OSMR: variants seen among roughly 807,000 people sequenced by gnomAD.
OSMR encodes the protein oncostatin-M-specific receptor subunit beta.
A neutral mutation model predicts 99.9 loss-of-function variants in OSMR; 81 were observed. The ratio of observed to expected loss-of-function variants is 0.81; its 90% CI spans 0.68 to 0.97. The LOEUF (loss-of-function observed/expected upper bound fraction) is 0.97. Among genes scored for constraint, OSMR ranks in the 50% least tolerant of loss-of-function variants. OSMR has a pLI of 0.00. For synonymous variants in OSMR, 406 were observed against 410.4 expected, an observed-to-expected ratio of 0.99 and a Z score of 0.13; for missense variants, 1,099 against 1,153.4, an observed-to-expected ratio of 0.95 and a Z score of 0.68.
At chr5:38,945,300 C>T, downstream of OSMR, 2 of 612,502 alleles carry the variant, frequency 3.3e-6, no homozygotes, top group Non-Finnish European at 5.7e-6. Flanking sequence ...ATCTGTCAGA[C>T]TCAGGCCCCA....
chr5:38,885,259 C>CTG, intron 5 of OSMR, 90 bp from the exon 6 acceptor site: 1 of 1,590,992 alleles, frequency 6.3e-7, no homozygotes, highest in South Asian at 1.1e-5. Flanking sequence ...CACAGTAACT[C>CTG]TGTGGCTTCA....
intron 9 of OSMR, among the ~76,000 whole-genome samples, chr5:38,908,338 C>T (rs1745373681): frequency 6.6e-6 from 1 of 152,174 alleles, no homozygotes; most frequent in South Asian, 2.1e-4. Context: ...CTGCCTGCAT[C>T]CCCCCACCAG....
intron 7 of OSMR, among the ~76,000 whole-genome samples, chr5:38,894,402 G>GA (rs142167573): frequency 2.7e-5 from 4 of 147,932 alleles, no homozygotes; most frequent in African/African-American, 7.4e-5. Flanking sequence ...GAATGAAAAA[G>GA]AAAAAAAAAG....
chr5:38,941,198 C>G (rs930501693), intron 1 of OSMR: 3 of 232,704 alleles, frequency 1.3e-5, no homozygotes, highest in Admixed American at 5.6e-5. Flanking sequence ...ACTCATAAAC[C>G]CACCTACCAC....
chr5:38,855,694 C>T (rs546935756), intron 1 of OSMR, among the ~76,000 whole-genome samples: 2 of 151,696 alleles, frequency 1.3e-5, no homozygotes, highest in African/African-American at 4.8e-5. Flanking sequence ...ACTAACCCCC[C>T]CAACCCCCAC....
intron 9 of OSMR, among the ~76,000 whole-genome samples, chr5:38,916,691 T>A (rs1745915915): frequency 6.6e-6 from 1 of 152,144 alleles, no homozygotes. Flanking sequence ...CAGATTTAGA[T>A]GCAAAATCAA....
chr5:38,914,281 G>T (rs1003255557), intron 9 of OSMR, among the ~76,000 whole-genome samples: 11 of 152,240 alleles, frequency 7.2e-5, no homozygotes, highest in South Asian at 4.1e-4. Context: ...TGCTCACAGG[G>T]TATTCTCTTG....
At chr5:38,939,377 T>G (rs563051184), downstream of OSMR, 9 of 232,320 alleles carry the variant, frequency 3.9e-5, no homozygotes, top group African/African-American at 2.0e-4. Flanking sequence ...AAGAGCCTCT[T>G]TTAATGTCAC....
chr5:38,858,844 T>C (rs921029756), intron 1 of OSMR, among the ~76,000 whole-genome samples: 3 of 152,220 alleles, frequency 2.0e-5, no homozygotes, highest in African/African-American at 7.2e-5. Context: ...TTGATTTGCA[T>C]TTCCTTGATG....
chr5:38,861,563 C>T (rs1741314579), intron 1 of OSMR, among the ~76,000 whole-genome samples: 2 of 152,228 alleles, frequency 1.3e-5, no homozygotes, highest in African/African-American at 4.8e-5. Flanking sequence ...AATCTTTTCC[C>T]CACCTTTCCC....
intron 7 of OSMR, among the ~76,000 whole-genome samples, chr5:38,892,959 T>A (rs1431421272): frequency 6.6e-6 from 1 of 152,136 alleles, no homozygotes; most frequent in Non-Finnish European, 1.5e-5. Context: ...ATTGGGGTAT[T>A]TGTGGGCAAG....
At chr5:38,851,997 T>C (rs1455132630) in intron 1 of OSMR, among the ~76,000 whole-genome samples, 1 of 152,228 alleles carries the variant, frequency 6.6e-6, no homozygotes, top group Non-Finnish European at 1.5e-5. Context: ...CGTGGAACTG[T>C]GAGTCCATTA....
At chr5:38,863,226 A>AGG (rs1741656266) in intron 1 of OSMR, among the ~76,000 whole-genome samples, 2 of 59,094 alleles carry the variant, frequency 3.4e-5, no homozygotes, top group East Asian at 3.6e-4. Context: ...GGAGGGGGAG[A>AGG]GATGATTTTG....
chr5:38,864,323 A>G (rs1405301387), intron 1 of OSMR, among the ~76,000 whole-genome samples: 1 of 151,358 alleles, frequency 6.6e-6, no homozygotes, highest in African/African-American at 2.4e-5. Context: ...GCTCTTTCTC[A>G]TTTGTGTGTC....
At chr5:38,922,816 C>A (rs1746298209) in intron 12 of OSMR, among the ~76,000 whole-genome samples, 2 of 152,140 alleles carry the variant, frequency 1.3e-5, no homozygotes, top group Admixed American at 6.5e-5. Context: ...TGCTGTGTTA[C>A]CCAGGCTGGA....
chr5:38,851,782 T>C (rs1740371477), intron 1 of OSMR, among the ~76,000 whole-genome samples: 1 of 152,192 alleles, frequency 6.6e-6, no homozygotes, highest in Admixed American at 6.5e-5. Flanking sequence ...AATTCCCTCA[T>C]GTTGTGGGAG....
chr5:38,875,324 CTTCT>C (rs142893560), intron 2 of OSMR, among the ~76,000 whole-genome samples: 2,311 of 152,276 alleles, frequency 0.015, 60 homozygotes, highest in African/African-American at 0.053. Flanking sequence ...ATGATTTGTT[CTTCT>C]TTAAGAATCA....
At chr5:38,939,943 G>C (rs1747356181), downstream of OSMR, 2 of 224,884 alleles carry the variant, frequency 8.9e-6, no homozygotes, top group African/African-American at 4.5e-5. Flanking sequence ...TTACAAACAA[G>C]TACTCAAAGA....
At chr5:38,940,562 T>C (rs1579840607), downstream of OSMR, 2 of 232,430 alleles carry the variant, frequency 8.6e-6, no homozygotes, top group South Asian at 1.8e-4. Context: ...AAAAAAATTA[T>C]TTATCTTCAA....
Sources: allele counts gnomAD v4.1 joint callset (sites outside exome capture counted in the v4.1 genomes callset), GRCh38; gene constraint gnomAD v4.1.1; transcripts MANE v1.5; gene names NCBI Gene and HGNC (gene_info 2026-07-23, HGNC 2026-07-21).